Variants in ARHGAP12 observed in about 807,000 individuals in gnomAD.
ARHGAP12 encodes the protein Rho GTPase activating protein 12.
ARHGAP12 carries 64 observed loss-of-function variants against 108.6 expected under a neutral mutation model. The observed-to-expected ratio is 0.59, with a 90% confidence interval of 0.48 to 0.73. The LOEUF (loss-of-function observed/expected upper bound fraction) is 0.73. Ranked by LOEUF, ARHGAP12 falls within the 30% of genes least tolerant of loss-of-function variation. The pLI is 0.00. For synonymous variants in ARHGAP12, 312 were observed against 337.2 expected, an observed-to-expected ratio of 0.93 and a Z score of 0.82; for missense variants, 940 against 1,005.9, an observed-to-expected ratio of 0.93 and a Z score of 0.89.
chr10:31,894,421 T>G (rs1838589249), intron 3 of ARHGAP12, among the ~76,000 whole-genome samples: 1 of 152,020 alleles, frequency 6.6e-6, no homozygotes, highest in Non-Finnish European at 1.5e-5. Context: ...AAAATCAATG[T>G]GCAAAAATCA....
chr10:31,846,403 T>C lies in ARHGAP12; in HGVS notation c.1171-2817A>G, dbSNP rs189656880. ...TACAGCAACTCTTTGAAAGCAAGAC[T>C]GCTAGGGATAAATCTCTTAGTTTAG... On this transcript the variant is annotated intron_variant, in intron 6 of 19. Coordinates refer to ENST00000344936, the MANE Select transcript of ARHGAP12 (RefSeq NM_018287.7). 6.6e-3 allele frequency among the ~76,000 whole-genome samples: 1,008 copies of C among 152,336 alleles called. 13 individuals carry two copies. The highest frequency in any genetic ancestry group is 7.0e-3 in the Non-Finnish European group (473 of 68,028).
At chr10:31,926,266 T>C (rs1840035815) in intron 1 of ARHGAP12, among the ~76,000 whole-genome samples, 1 of 150,434 alleles carries the variant, frequency 6.6e-6, no homozygotes, top group African/African-American at 2.5e-5. Context: ...ATGAAGTCAA[T>C]GAAAGTAATA....
intron 3 of ARHGAP12, among the ~76,000 whole-genome samples, chr10:31,898,302 C>T (rs1467614715): frequency 6.6e-6 from 1 of 152,064 alleles, no homozygotes; most frequent in Non-Finnish European, 1.5e-5. Flanking sequence ...AGCAAATGAA[C>T]ATATGAAAAG....
Position 31,808,905 on chromosome 10 carries a change from C to A in ARHGAP12, c.2263+89G>T. ...TAAAACAATCTGTTGAAAATACTTGCTTAAAGTAAGATAAAAAAAATTGGG... is the reference window on the plus strand; with the variant it reads ...TAAAACAATCTGTTGAAAATACTTGATTAAAGTAAGATAAAAAAAATTGGG... On this transcript the variant is annotated intron_variant, in intron 18 of 19. Coordinates refer to ENST00000344936, the MANE Select transcript of ARHGAP12 (RefSeq NM_018287.7). 7.1e-7 allele frequency: 1 copy of A among 1,407,552 alleles called. No homozygotes were observed. The highest frequency in any genetic ancestry group is 1.4e-5 in the South Asian group (1 of 73,680). 87.2% of individuals were successfully genotyped at this position (1,407,552 alleles called of 1,614,324 possible).
intron 10 of ARHGAP12, 32 bp from the exon 11 acceptor site, chr10:31,826,417 CA>C (rs1835610464): frequency 6.4e-7 from 1 of 1,572,926 alleles, no homozygotes; most frequent in African/African-American, 1.4e-5. Flanking sequence ...ATTAAAGCTC[CA>C]ATCTCGAGTT....
At chr10:31,844,612 C>CA (rs1836383373) in intron 6 of ARHGAP12, among the ~76,000 whole-genome samples, 1 of 151,868 alleles carries the variant, frequency 6.6e-6, no homozygotes, top group Non-Finnish European at 1.5e-5. Flanking sequence ...GAGCTCACTG[C>CA]AACCTTGAAC....
At chr10:31,903,497 G>T (rs1307680421) in intron 3 of ARHGAP12, among the ~76,000 whole-genome samples, 1 of 152,086 alleles carries the variant, frequency 6.6e-6, no homozygotes, top group Non-Finnish European at 1.5e-5. Flanking sequence ...TGATATAAAG[G>T]CATGATCTAT....
rs1450139026 is a variant in ARHGAP12 at position 31,854,156 on chromosome 10, A to G, written c.999T>C (p.Asp333=). ...NYYSTSYSQS[D]SQCGSPPRGW... ...CCCTTGGAGGAGAACCACACTGACT[A>G]TCTGACTGGCTGTAAGAAGTGCTGT... Residue 333 remains aspartate, a synonymous_variant, in exon 5 of 20, where the codon GAT becomes GAC. Transcript: ENST00000344936. 6.2e-7 allele frequency: 1 copy of G among 1,613,770 alleles called. No homozygotes were observed. Among genetic ancestry groups the G allele is most frequent in the African/African-American group, 1.3e-5 (1 of 75,044 alleles).
intron 3 of ARHGAP12, among the ~76,000 whole-genome samples, chr10:31,867,093 A>G (rs575466088): frequency 1.3e-5 from 2 of 152,052 alleles, no homozygotes; most frequent in East Asian, 1.9e-4. Flanking sequence ...TCTAGTAGAA[A>G]TAAGAACCTT....
chr10:31,864,223 T>G (rs1236881804), intron 3 of ARHGAP12, among the ~76,000 whole-genome samples: 1 of 152,176 alleles, frequency 6.6e-6, no homozygotes, highest in African/African-American at 2.4e-5. Context: ...AAGAGTTTCA[T>G]GAATTGGCCA....
chr10:31,880,578 T>C (rs2132363232), intron 3 of ARHGAP12, among the ~76,000 whole-genome samples: 1 of 152,248 alleles, frequency 6.6e-6, no homozygotes, highest in South Asian at 2.1e-4. Flanking sequence ...CTCAGAAAAA[T>C]GTTTACCTAG....
At chr10:31,839,794 AAG>A in intron 7 of ARHGAP12, 83 bp from the exon 8 acceptor site, 1 of 1,069,600 alleles carries the variant, frequency 9.3e-7, no homozygotes, top group Non-Finnish European at 1.3e-6. Flanking sequence ...AGAGCTTAGT[AAG>A]AGAGAATAAC....
intron 15 of ARHGAP12, 69 bp downstream of exon 15, chr10:31,812,638 T>C: frequency 9.8e-7 from 1 of 1,016,034 alleles, no homozygotes; most frequent in Non-Finnish European, 1.4e-6. Flanking sequence ...TGTTTGTTTT[T>C]AATTTGAAAC....
chr10:31,861,746 A>C, intron 3 of ARHGAP12, 88 bp from the exon 4 acceptor site: 1 of 1,289,404 alleles, frequency 7.8e-7, no homozygotes, highest in Non-Finnish European at 1.1e-6. Context: ...TATAAACAAT[A>C]CTAACTCATT....
In ARHGAP12 at chr10:31,810,720, T is replaced by C. The variant is rs146802703; in HGVS notation, c.1979A>G (p.Asn660Ser). The change falls in exon 16 of 20, where the codon AAT (asparagine) becomes AGT (serine). Residue 660 changes from asparagine to serine, a missense_variant. Transcript: ENST00000344936. ...KDQVFGSNLA[N>S]LCQRENGTVP... ...TGTGCCATTCTCTCTCTGACACAGA[T>C]TAGCGAGATTGGATCCAAATACCTG... The C allele has an allele frequency of 4.0e-4, 646 of 1,609,580 alleles. 2 individuals carry two copies. The African/African-American group carries it at 6.9e-3, about 17-fold the overall frequency.
intron 3 of ARHGAP12, among the ~76,000 whole-genome samples, chr10:31,868,288 C>T (rs1435978788): frequency 2.6e-5 from 4 of 151,280 alleles, no homozygotes; most frequent in African/African-American, 7.3e-5. Context: ...TAAAACAATA[C>T]AATGAAATTC....
intron 3 of ARHGAP12, among the ~76,000 whole-genome samples, chr10:31,896,234 A>G (rs956839661): frequency 1.2e-4 from 18 of 151,154 alleles, no homozygotes; most frequent in African/African-American, 3.4e-4. Context: ...AACTTAAAGT[A>G]TAATAAAAAT....
chr10:31,859,814 A>G (rs1366182395), intron 4 of ARHGAP12, among the ~76,000 whole-genome samples: 2 of 133,744 alleles, frequency 1.5e-5, no homozygotes, highest in Non-Finnish European at 3.3e-5. Context: ...TTTTTTTTTG[A>G]GATAGAGTCT....
chr10:31,888,404 A>G (rs1201161693), intron 3 of ARHGAP12, among the ~76,000 whole-genome samples: 1 of 152,242 alleles, frequency 6.6e-6, no homozygotes, highest in African/African-American at 2.4e-5. Flanking sequence ...GAACTAAGGA[A>G]AGAAAAAATA....
Sources: gnomAD v4.1 joint callset for allele counts (sites outside exome capture counted in the v4.1 genomes callset) on GRCh38, gnomAD v4.1.1 for gene constraint, MANE v1.5 for transcripts, NCBI Gene and HGNC (gene_info 2026-07-23, HGNC 2026-07-21) for gene names.